Variants in NBEA observed in about 807,000 individuals in gnomAD.
NBEA encodes the protein neurobeachin.
In NBEA, 44 loss-of-function variants were observed where a neutral mutation model predicts 343.4. That is an observed-to-expected ratio of 0.13 (90% confidence interval 0.10 to 0.16). NBEA has a LOEUF of 0.16. Ranked by LOEUF, NBEA falls within the 10% of genes least tolerant of loss-of-function variation. The pLI, the probability that NBEA is intolerant of heterozygous loss-of-function variation, is 1.00. For synonymous variants in NBEA, 1,175 were observed against 1,238.7 expected (o/e 0.95, Z 1.08); for missense variants, 2,555 against 3,631.3 (o/e 0.70, Z 7.62).
intron 48 of NBEA, among the ~76,000 whole-genome samples, chr13:35,613,456 G>A (rs2082607643): frequency 6.6e-6 from 1 of 152,062 alleles, no homozygotes; most frequent in Non-Finnish European, 1.5e-5. Context: ...TTCGTTGGTA[G>A]ACACTTAGGT....
chr13:35,655,519 A>C, intron 54 of NBEA, 60 bp from the exon 55 acceptor site: 1 of 1,481,456 alleles, frequency 6.8e-7, no homozygotes, highest in African/African-American at 1.4e-5. Flanking sequence ...ATAAAGTTAC[A>C]CTTATTACCA....
chr13:35,448,081 T>C (rs2046135509), intron 39 of NBEA, among the ~76,000 whole-genome samples: 1 of 152,202 alleles, frequency 6.6e-6, no homozygotes, highest in African/African-American at 2.4e-5. Flanking sequence ...TTTGCTGAGC[T>C]GCAAACTGAT....
intron 34 of NBEA, 35 bp downstream of exon 34, chr13:35,232,654 T>C: frequency 7.2e-7 from 1 of 1,392,414 alleles, no homozygotes; most frequent in South Asian, 1.5e-5. Context: ...TTTAGTTTCC[T>C]ATAATGTATG....
At position 35,129,140 on chromosome 13, in the gene NBEA, A is replaced by G. The variant is rs1272324560; in HGVS notation, c.2336+5566A>G. 3.9e-5 allele frequency among the ~76,000 whole-genome samples: 6 copies of G among 152,052 alleles called. No individual in the cohort carries two copies. In the East Asian group the frequency reaches 7.7e-4, roughly 20 times the overall value. On this transcript the variant is annotated intron_variant, in intron 17 of 58. Transcript: ENST00000379939. Reference sequence around the variant, plus strand: ...ATGAGTTAATGGGTGCAGCACACCAACATGGCATATGTATACATATGTAAC... The same window carrying G: ...ATGAGTTAATGGGTGCAGCACACCAGCATGGCATATGTATACATATGTAAC...
chr13:35,145,109 G>T (rs997705524), intron 18 of NBEA, among the ~76,000 whole-genome samples: 3 of 152,174 alleles, frequency 2.0e-5, no homozygotes, highest in Non-Finnish European at 4.4e-5. Context: ...GTTTATTACT[G>T]TGCAAACCCC....
rs549380433 is a variant in NBEA, at chr13:35,552,721, A to T, written c.6806+1689A>T. Among the ~76,000 whole-genome samples, 4 of 152,326 alleles carry T rather than the reference A, an allele frequency of 2.6e-5. No individual in the cohort carries two copies. The East Asian group carries it at 7.7e-4, about 29-fold the overall frequency. ...CAATGACCATGATTCCTGAAAGATT[A>T]CTAATAGAGGTTTCTATATGGCATG... On this transcript the variant is annotated intron_variant, in intron 43 of 58. Transcript: ENST00000379939.
intron 38 of NBEA, among the ~76,000 whole-genome samples, chr13:35,414,079 T>C (rs2043750417): frequency 6.6e-6 from 1 of 152,094 alleles, no homozygotes; most frequent in African/African-American, 2.4e-5. Flanking sequence ...TTAGCCCTTC[T>C]TCATGAAAAG....
At chr13:35,611,659 G>C (rs7985634) in intron 48 of NBEA, among the ~76,000 whole-genome samples, 4,816 of 152,104 alleles carry the variant, frequency 0.032, 282 homozygotes, top group African/African-American at 0.11. Flanking sequence ...TCATATAAAA[G>C]GAATTATACA....
At chr13:35,100,722 A>T (rs556395013) in intron 11 of NBEA, among the ~76,000 whole-genome samples, 57 of 151,994 alleles carry the variant, frequency 3.8e-4, no homozygotes, top group Non-Finnish European at 2.2e-4. Flanking sequence ...AATTTAGTGG[A>T]TGCAAAATAT....
In NBEA at chr13:35,360,170, T is replaced by G. The variant is rs1307743954; in HGVS notation, c.6179+7847T>G. Among the ~76,000 whole-genome samples, 11 of 152,106 alleles carry G rather than the reference T, an allele frequency of 7.2e-5. No homozygotes were observed. In the East Asian group the frequency reaches 2.1e-3, roughly 29 times the overall value. On this transcript the variant is annotated intron_variant, in intron 38 of 58. Coordinates refer to ENST00000379939, the MANE Select transcript of NBEA (RefSeq NM_001385012.1). ...GTCATTTCAATGACTAATTACTGAT[T>G]ATTGTATTGATTATAAAAACTAGCC...
intron 1 of NBEA, among the ~76,000 whole-genome samples, chr13:35,039,465 A>C (rs2062569343): frequency 6.6e-6 from 1 of 152,112 alleles, no homozygotes; most frequent in Admixed American, 6.5e-5. Flanking sequence ...CCTCCTAAAA[A>C]ATATTCTTAT....
chr13:35,182,587 C>T, intron 29 of NBEA, 59 bp downstream of exon 29: 1 of 1,462,460 alleles, frequency 6.8e-7, no homozygotes, highest in Non-Finnish European at 9.3e-7. Flanking sequence ...TTTTTTTCAC[C>T]TTTACATCTA....
intron 30 of NBEA, among the ~76,000 whole-genome samples, chr13:35,193,190 A>G (rs2152739879): frequency 6.6e-6 from 1 of 152,070 alleles, no homozygotes; most frequent in African/African-American, 2.4e-5. Context: ...AAAATGTACA[A>G]TCCATAGATA....
chr13:35,095,592 A>T (rs2065292314), intron 10 of NBEA, among the ~76,000 whole-genome samples: 4 of 151,846 alleles, frequency 2.6e-5, no homozygotes, highest in Non-Finnish European at 5.9e-5. Context: ...ATTATTTTTA[A>T]GAAAAAACAC....
chr13:35,150,413 A>T (rs756696116), intron 18 of NBEA, among the ~76,000 whole-genome samples: 8 of 152,178 alleles, frequency 5.3e-5, no homozygotes, highest in Non-Finnish European at 1.2e-4. Context: ...CTGTTTCTGG[A>T]TCACCAGAGT....
intron 40 of NBEA, among the ~76,000 whole-genome samples, chr13:35,455,238 G>A (rs899123736): frequency 1.3e-5 from 2 of 152,056 alleles, no homozygotes; most frequent in African/African-American, 4.8e-5. Flanking sequence ...TAGGCATAGA[G>A]ATAAGCAGAT....
intron 33 of NBEA, among the ~76,000 whole-genome samples, chr13:35,220,058 AGT>A (rs1566477252): frequency 6.6e-6 from 1 of 152,154 alleles, no homozygotes; most frequent in Non-Finnish European, 1.5e-5. Context: ...TTTGAGAAAC[AGT>A]GTGTAATTGA....
At chr13:35,014,997 C>T (rs1360941510) in intron 1 of NBEA, among the ~76,000 whole-genome samples, 1 of 151,632 alleles carries the variant, frequency 6.6e-6, no homozygotes, top group Non-Finnish European at 1.5e-5. Context: ...TGGTGTCACT[C>T]AGGACAGGGC....
chr13:35,510,870 C>T (rs184971106), intron 41 of NBEA, among the ~76,000 whole-genome samples: 6 of 152,260 alleles, frequency 3.9e-5, no homozygotes, highest in Non-Finnish European at 7.4e-5. Flanking sequence ...AGAAATAAAG[C>T]TGAGATCTTA....
Sources: gnomAD v4.1 joint callset for allele counts (sites outside exome capture counted in the v4.1 genomes callset) on GRCh38, gnomAD v4.1.1 for gene constraint, MANE v1.5 for transcripts, NCBI Gene and HGNC (gene_info 2026-07-23, HGNC 2026-07-21) for gene names.